The following ETV1 variants were observed in gnomAD, a reference collection of about 807,000 sequenced individuals.
ETV1 encodes the protein ETS translocation variant 1.
ETV1 carries 27 observed loss-of-function variants against 62.3 expected under a neutral mutation model. The observed-to-expected ratio is 0.43, with a 90% CI of 0.32 to 0.60. The LOEUF (loss-of-function observed/expected upper bound fraction) is 0.60, where lower values mean the gene tolerates loss of function less well. ETV1 is among the 20% of genes least tolerant of loss of function. The pLI, the probability that ETV1 is intolerant of heterozygous loss-of-function variation, is 0.06. For synonymous variants in ETV1, 222 were observed against 199.6 expected (o/e 1.11, Z -0.94); for missense variants, 605 against 605.8 (o/e 1.00, Z 0.01).
At chr7:13,987,348 G>A (rs928860272) in intron 4 of ETV1, among the ~76,000 whole-genome samples, 1 of 152,012 alleles carries the variant, frequency 6.6e-6, no homozygotes, top group Non-Finnish European at 1.5e-5. Context: ...GAAGATTTGA[G>A]GAAGTTTCAG....
At chr7:13,909,378 A>G (rs1783321082) in intron 11 of ETV1, among the ~76,000 whole-genome samples, 1 of 152,168 alleles carries the variant, frequency 6.6e-6, no homozygotes, top group Admixed American at 6.5e-5. Flanking sequence ...CTTACGCTAC[A>G]CAAAGCTCAG....
rs368558902 is a variant in ETV1, at chr7:13,901,090, C to T, written c.1111-251G>A. Among the ~76,000 whole-genome samples the T allele has an allele frequency of 1.9e-3, 295 of 151,830 alleles. 1 individual carries two copies. Among genetic ancestry groups the T allele is most frequent in the African/African-American group, 6.7e-3 (277 of 41,374 alleles). On this transcript the variant is annotated intron_variant, in intron 12 of 13. Coordinates refer to ENST00000430479, the MANE Select transcript of ETV1 (RefSeq NM_004956.5). ...CGCGAACTTGGCTCACTGCAACCTC[C>T]GCCTCCTGTGTTCAAGCAATTCTCC...
intron 9 of ETV1, among the ~76,000 whole-genome samples, chr7:13,923,337 A>G (rs1040682336): frequency 6.6e-5 from 10 of 152,176 alleles, no homozygotes; most frequent in African/African-American, 2.4e-4. Flanking sequence ...TTTTCCTACT[A>G]TTTGATTAGG....
In ETV1 at chr7:13,900,719, T is replaced by C. The variant is rs757194117; in HGVS notation, c.1212+19A>G. On this transcript the variant is annotated intron_variant, in intron 13 of 13. Coordinates refer to ENST00000430479, the MANE Select transcript of ETV1 (RefSeq NM_004956.5). ...TGTGCAACATTTCAATGAATTTTAA[T>C]GCTGTATTAGCTGCTCACCTTTTGC... 56 of 1,490,822 alleles carry C rather than the reference T, an allele frequency of 3.8e-5. No homozygotes were observed. The highest frequency in any genetic ancestry group is 1.7e-4 in the Middle Eastern group (1 of 5,854). The allele number at this position is 1,490,822 out of a possible 1,614,324, so 92.3% of individuals were successfully genotyped here.
At chr7:13,899,299 A>C (rs1194479000) in intron 13 of ETV1, among the ~76,000 whole-genome samples, 3 of 152,238 alleles carry the variant, frequency 2.0e-5, no homozygotes, top group Non-Finnish European at 2.9e-5. Flanking sequence ...GAGATGAAAA[A>C]GACAGGAGGA....
rs1053767047 is a variant in ETV1, at chr7:13,892,004, C to A, written c.*3862G>T. Reference sequence around the variant, plus strand: ...AGTGGCTCATTTTAGAAATCCCTATCATCTGGCAAAATTCTGTAGCTTCTG... The same window carrying A: ...AGTGGCTCATTTTAGAAATCCCTATAATCTGGCAAAATTCTGTAGCTTCTG... On this transcript the variant is annotated 3_prime_UTR_variant, in exon 14 of 14. Coordinates refer to ENST00000430479, the MANE Select transcript of ETV1 (RefSeq NM_004956.5). 6 of 231,758 alleles carry A rather than the reference C, an allele frequency of 2.6e-5. No homozygotes were observed. Among genetic ancestry groups the A allele is most frequent in the Non-Finnish European group, 4.3e-5 (5 of 117,300 alleles). The allele number at this position is 231,758 out of a possible 1,614,324, so 14.4% of individuals were successfully genotyped here. A position where few individuals can be genotyped will look rare whatever the true frequency, so the allele number is the denominator to read the frequency against.
At chr7:13,963,676 AT>A in intron 6 of ETV1, among the ~76,000 whole-genome samples, 1 of 152,286 alleles carries the variant, frequency 6.6e-6, no homozygotes, top group Middle Eastern at 3.4e-3. Context: ...ATGTTTGTAT[AT>A]ATTAGCCTGC....
chr7:13,917,265 C>T (rs1034188964), intron 9 of ETV1, among the ~76,000 whole-genome samples: 1 of 151,788 alleles, frequency 6.6e-6, no homozygotes, highest in Non-Finnish European at 1.5e-5. Flanking sequence ...TGATAGAAAA[C>T]ATAGACACAA....
At chr7:13,944,687 C>A (rs1194762942) in intron 6 of ETV1, among the ~76,000 whole-genome samples, 1 of 152,112 alleles carries the variant, frequency 6.6e-6, no homozygotes, top group Non-Finnish European at 1.5e-5. Context: ...ATCTAGGGAG[C>A]TGCTGGAGAA....
chr7:13,979,202 A>G (rs376125697), intron 5 of ETV1, among the ~76,000 whole-genome samples: 64 of 152,208 alleles, frequency 4.2e-4, no homozygotes, highest in African/African-American at 1.5e-3. Flanking sequence ...GTGAAAATAC[A>G]GTTTTTTGGT....
At chr7:13,913,373 T>A (rs991641539) in intron 9 of ETV1, among the ~76,000 whole-genome samples, 5 of 152,212 alleles carry the variant, frequency 3.3e-5, no homozygotes, top group African/African-American at 2.4e-5. Flanking sequence ...TAGAACTGAT[T>A]TTGAATCTCA....
At chr7:13,988,942 T>C in intron 3 of ETV1, 66 bp downstream of exon 3, 1 of 1,491,756 alleles carries the variant, frequency 6.7e-7, no homozygotes, top group Non-Finnish European at 9.2e-7. Flanking sequence ...CCTTCTCATT[T>C]TCTCCCTCTC....
At chr7:13,983,303 G>C (rs1332802821) in intron 5 of ETV1, among the ~76,000 whole-genome samples, 1 of 151,966 alleles carries the variant, frequency 6.6e-6, no homozygotes, top group East Asian at 1.9e-4. Context: ...TTTAAGTTGT[G>C]TTAGTAGGTG....
chr7:13,904,086 C>T (rs1782711139), intron 12 of ETV1, among the ~76,000 whole-genome samples: 1 of 152,094 alleles, frequency 6.6e-6, no homozygotes, highest in African/African-American at 2.4e-5. Flanking sequence ...AACAGGGTGA[C>T]CACAGGTCAC....
intron 9 of ETV1, among the ~76,000 whole-genome samples, chr7:13,916,432 G>T (rs1784163412): frequency 6.6e-6 from 1 of 152,068 alleles, no homozygotes; most frequent in Non-Finnish European, 1.5e-5. Context: ...GAGGTCAGGG[G>T]TTCGAGACCA....
chr7:13,989,440 G>A lies in ETV1; in HGVS notation c.-260C>T, dbSNP rs1043718820. ...TGCAAAACTAGCAATGGCGATCAAC[G>A]AGACTTGCTTTGCACCTAACGGGAC... On this transcript the variant is annotated 5_prime_UTR_variant, in exon 2 of 14. Transcript: ENST00000430479. 1.6e-5 allele frequency: 7 copies of A among 428,886 alleles called. No individual in the cohort carries two copies. The highest frequency in any genetic ancestry group is 4.1e-5 in the African/African-American group (2 of 48,970). 26.6% of individuals were successfully genotyped at this position (428,886 alleles called of 1,614,324 possible).
Position 13,891,802 on chromosome 7 carries a change from A to G in ETV1, c.*4064T>C. 4.3e-6 allele frequency: 1 copy of G among 231,732 alleles called. No individual in the cohort carries two copies. Among genetic ancestry groups the G allele is most frequent in the Non-Finnish European group, 8.5e-6 (1 of 117,214 alleles). The allele number at this position is 231,732 out of a possible 1,614,324, so 14.4% of individuals were successfully genotyped here. ...CTTTTACCCAATTTGTATTTTTTTA[A>G]TAATTCTATTTCCTCTCTTCTCCAT... On this transcript the variant is annotated 3_prime_UTR_variant, in exon 14 of 14. Coordinates refer to ENST00000430479, the MANE Select transcript of ETV1 (RefSeq NM_004956.5).
intron 3 of ETV1, chr7:13,988,624 A>AC (rs1782780922): frequency 6.5e-7 from 1 of 1,529,608 alleles, no homozygotes; most frequent in Non-Finnish European, 8.7e-7. Flanking sequence ...AAATGAGAAA[A>AC]AAAAAAGAAA....
chr7:13,928,324 A>C (rs1029368624), intron 9 of ETV1, among the ~76,000 whole-genome samples: 3 of 152,232 alleles, frequency 2.0e-5, no homozygotes, highest in African/African-American at 7.2e-5. Context: ...AGAATCAAGA[A>C]AACAGTTTCA....
Sources: gnomAD v4.1 joint callset for allele counts (sites outside exome capture counted in the v4.1 genomes callset) on GRCh38, gnomAD v4.1.1 for gene constraint, MANE v1.5 for transcripts, NCBI Gene and HGNC (gene_info 2026-07-23, HGNC 2026-07-21) for gene names.